EGFL6: variants seen among roughly 807,000 people sequenced by gnomAD.
The protein encoded by EGFL6 is EGF like domain multiple 6.
A neutral mutation model predicts 43.1 loss-of-function variants in EGFL6; 42 were observed. That is an observed-to-expected ratio of 0.98 (90% CI 0.76 to 1.26). The LOEUF is 1.26. Ranked by LOEUF, EGFL6 falls within the 50% of genes most tolerant of loss-of-function variation. EGFL6 has a pLI of 0.00. For missense variants in EGFL6, 429 were observed against 427.8 expected, an observed-to-expected ratio of 1.00 and a Z score of -0.02; for synonymous variants, 164 against 163.2, an observed-to-expected ratio of 1.01 and a Z score of -0.04.
At chrX:13,597,595 C>T (rs1257894726) in intron 3 of EGFL6, among the ~76,000 whole-genome samples, 1 of 111,495 alleles carries the variant, frequency 9.0e-6, no homozygotes, top group Non-Finnish European at 1.9e-5. Flanking sequence ...ACCAGCCTGG[C>T]CAACATGGCA....
intron 10 of EGFL6, among the ~76,000 whole-genome samples, chrX:13,624,378 C>T (rs1363490905): frequency 9.0e-6 from 1 of 111,485 alleles, no homozygotes; most frequent in Non-Finnish European, 1.9e-5. Context: ...TAGAGTGGCC[C>T]CTCAAAGCAT....
intron 1 of EGFL6, among the ~76,000 whole-genome samples, chrX:13,586,577 T>C (rs1176883802): frequency 9.0e-6 from 1 of 111,171 alleles, no homozygotes; most frequent in African/African-American, 3.3e-5. Flanking sequence ...ATCCCATTCA[T>C]AAAGGCTCCA....
chrX:13,628,091 T>C (rs2045791315), intron 11 of EGFL6, among the ~76,000 whole-genome samples: 1 of 111,170 alleles, frequency 9.0e-6, no homozygotes, highest in African/African-American at 3.3e-5. Context: ...ATAAGTCACA[T>C]TGTTACCATA....
intron 2 of EGFL6, among the ~76,000 whole-genome samples, 159 bp downstream of exon 2, chrX:13,589,827 A>T (rs1915245370): frequency 8.9e-6 from 1 of 112,917 alleles, no homozygotes; most frequent in African/African-American, 3.2e-5. Context: ...ATCTCTTCCC[A>T]GACAAAATGT....
At chrX:13,578,166 A>C (rs927942112) in intron 1 of EGFL6, among the ~76,000 whole-genome samples, 6 of 111,247 alleles carry the variant, frequency 5.4e-5, no homozygotes, top group African/African-American at 2.0e-4. Context: ...TCTGGATATC[A>C]CATTTATTAG....
intron 2 of EGFL6, among the ~76,000 whole-genome samples, chrX:13,591,662 C>A (rs1349772117): frequency 1.8e-5 from 2 of 110,882 alleles, no homozygotes; most frequent in African/African-American, 6.6e-5. Flanking sequence ...CATCAACCTG[C>A]CCCAACAAGG....
intron 2 of EGFL6, 119 bp from the exon 3 acceptor site, chrX:13,594,717 A>G (rs2045586774): frequency 2.4e-5 from 12 of 505,280 alleles, no homozygotes; most frequent in Non-Finnish European, 3.9e-5. Context: ...AGGGAGGCAG[A>G]TTGTCCTCTG....
intron 7 of EGFL6, among the ~76,000 whole-genome samples, chrX:13,617,025 G>A (rs781141236): frequency 6.6e-5 from 7 of 106,445 alleles, no homozygotes; most frequent in East Asian, 3.0e-4. Context: ...GCCCGCCACC[G>A]CGCCCGGCTA....
intron 4 of EGFL6, 105 bp downstream of exon 4, chrX:13,600,199 T>C: frequency 1.3e-6 from 1 of 794,404 alleles, no homozygotes; most frequent in Non-Finnish European, 1.7e-6. Context: ...AAAAAATCTC[T>C]AATATTGCCC....
rs771033620 is a variant in EGFL6 at position 13,618,013 on chromosome X, G to C, written c.1062G>C (p.Lys354Asn). The C allele has an allele frequency of 1.5e-5, 18 of 1,208,263 alleles. No individual in the cohort carries two copies. The change falls in exon 8 of 12, where the codon AAG becomes AAC. Residue 354 changes from lysine to asparagine, a missense_variant. By Grantham distance (94) the Lys-to-Asn change is moderately conservative. Transcript: ENST00000361306. ...AGAAAAGAGAAGAGAAAGCCCTGAA[G>C]AATGACATAGAGGAGCGAAGCCTGC... ...EDEKREEKAL[K>N]NDIEERSLRG...
At chrX:13,626,902 C>T (rs2045783288) in intron 10 of EGFL6, 109 bp from the exon 11 acceptor site, 1 of 856,835 alleles carries the variant, frequency 1.2e-6, no homozygotes, top group Non-Finnish European at 1.6e-6. Flanking sequence ...AGGACTTCAG[C>T]TTTCCCTATA....
chrX:13,590,296 G>A (rs1290193787), intron 2 of EGFL6: 1 of 112,340 alleles, frequency 8.9e-6, no homozygotes, highest in African/African-American at 3.2e-5. Flanking sequence ...ATTTCAAGGA[G>A]GTTGGGAAGG....
intron 1 of EGFL6, among the ~76,000 whole-genome samples, chrX:13,587,823 A>G (rs1220568690): frequency 8.9e-6 from 1 of 112,155 alleles, no homozygotes; most frequent in Non-Finnish European, 1.9e-5. Context: ...ACTGTACTCT[A>G]TGTGCCTGAG....
At position 13,614,743 on chromosome X, in the gene EGFL6, C is replaced by A. The variant is rs2045709343; in HGVS notation, c.779-2987C>A. ...CCAAAGACCCTCCTACTGCAACTCC[C>A]TCCATATTTTTTTTTTTTTTTTGAC... On this transcript the variant is annotated intron_variant, in intron 7 of 11. Coordinates refer to ENST00000361306, the MANE Select transcript of EGFL6 (RefSeq NM_015507.4). Among the ~76,000 whole-genome samples the A allele has an allele frequency of 2.9e-5, 3 of 103,948 alleles. No homozygotes were observed. The South Asian group carries it at 1.3e-3, about 45-fold the overall frequency. 90.3% of individuals were successfully genotyped at this position (103,948 alleles called of 115,157 possible). A position where few individuals can be genotyped will look rare whatever the true frequency, so the allele number is the denominator to read the frequency against.
chrX:13,597,963 G>A (rs147878790), intron 3 of EGFL6, among the ~76,000 whole-genome samples: 1,443 of 112,068 alleles, frequency 0.013, 20 homozygotes, highest in African/African-American at 0.042. Flanking sequence ...AAATATTAAC[G>A]TTGAGGGAGT....
rs140503091 is a variant in EGFL6, at chrX:13,621,127, G to A, written c.1183+1884G>A. Among the ~76,000 whole-genome samples the A allele has an allele frequency of 9.7e-4, 109 of 112,723 alleles. 2 individuals carry two copies. In the East Asian group the frequency reaches 0.019, roughly 20 times the overall value. On this transcript the variant is annotated intron_variant, in intron 9 of 11. Transcript: ENST00000361306. ...TCTTAGGCTGGGTTCCCCAGAAATA[G>A]ACCCCAAGATAAGAATTTGTGTGCA...
chrX:13,617,927 G>A lies in EGFL6; in HGVS notation c.976G>A (p.Gly326Arg), dbSNP rs765597931. 21 of 1,209,512 alleles carry A rather than the reference G, an allele frequency of 1.7e-5. No homozygotes were observed. Among genetic ancestry groups the A allele is most frequent in the East Asian group, 1.5e-4 (5 of 33,789 alleles). Residue 326 changes from glycine (G) to arginine (R), a missense_variant, in exon 8 of 12, where the codon GGG becomes AGG. Physicochemically the swap from Gly to Arg is moderately radical, Grantham distance 125. Transcript: ENST00000361306. ...CTATGAAGAGATAGTTTCCAGAGGC[G>A]GGAACTCTCATGGAGGTAAAAAAGG... The part of the protein sequence containing the change: ...FNYEEIVSRG[G>R]NSHGGKKGNE...
rs1008927663 is a variant in EGFL6 at position 13,597,691 on chromosome X, G to A, written c.281-2284G>A. Among the ~76,000 whole-genome samples, 5 of 111,397 alleles carry A rather than the reference G, an allele frequency of 4.5e-5. No homozygotes were observed. The Admixed American group carries it at 4.8e-4, about 11-fold the overall frequency. On this transcript the variant is annotated intron_variant, in intron 3 of 11. Transcript: ENST00000361306. ...CCTAGCTACTCGGGAGGCTGAGGCAGGAGAATCACATGAACCTGGGAGGTG... is the reference window on the plus strand; with the variant it reads ...CCTAGCTACTCGGGAGGCTGAGGCAAGAGAATCACATGAACCTGGGAGGTG...
intron 1 of EGFL6, among the ~76,000 whole-genome samples, chrX:13,588,591 G>A (rs1229745182): frequency 9.0e-6 from 1 of 110,774 alleles, no homozygotes; most frequent in Non-Finnish European, 1.9e-5. Context: ...ACTTGGTGGG[G>A]GACAGGGGGC....
Sources: gnomAD v4.1 joint callset for allele counts (sites outside exome capture counted in the v4.1 genomes callset) on GRCh38, gnomAD v4.1.1 for gene constraint, MANE v1.5 for transcripts, NCBI Gene and HGNC (gene_info 2026-07-23, HGNC 2026-07-21) for gene names.